DAB2: variants seen among roughly 807,000 people sequenced by gnomAD.
The protein encoded by DAB2 is disabled homolog 2.
Under a neutral mutation model 71.6 loss-of-function variants are expected in DAB2, and 28 were observed. The ratio of observed to expected loss-of-function variants is 0.39; its 90% CI spans 0.29 to 0.54. DAB2 has a LOEUF of 0.54. DAB2 is among the 20% of genes least tolerant of loss of function. The pLI, the probability that DAB2 is intolerant of heterozygous loss-of-function variation, is 0.68. For missense variants in DAB2, 867 were observed against 928.8 expected, an observed-to-expected ratio of 0.93 and a Z score of 0.86; for synonymous variants, 345 against 339.7, an observed-to-expected ratio of 1.02 and a Z score of -0.17.
At chr5:39,382,571 T>G in intron 10 of DAB2, 47 bp downstream of exon 10, 1 of 1,551,146 alleles carries the variant, frequency 6.4e-7, no homozygotes, top group Admixed American at 1.7e-5. Context: ...CACCCTTTGG[T>G]ACCGAACATG....
intron 1 of DAB2, among the ~76,000 whole-genome samples, chr5:39,411,230 G>T (rs182094203): frequency 3.0e-4 from 45 of 152,214 alleles, no homozygotes; most frequent in Non-Finnish European, 5.3e-4. Context: ...CTAAAAAAAG[G>T]TTTCTGGTTA....
chr5:39,396,549 G>A (rs1225843324), intron 1 of DAB2, among the ~76,000 whole-genome samples: 1 of 152,122 alleles, frequency 6.6e-6, no homozygotes, highest in African/African-American at 2.4e-5. Context: ...CTTGTTATGT[G>A]TATACACTGG....
At chr5:39,423,731 CCTGA>C (rs900110407) in intron 1 of DAB2, 6 of 152,268 alleles carry the variant, frequency 3.9e-5, no homozygotes, top group African/African-American at 9.6e-5. Flanking sequence ...CCCTGCTTTG[CCTGA>C]CTAAGGCCAG....
chr5:39,386,241 A>G (rs1755097267), intron 9 of DAB2, among the ~76,000 whole-genome samples: 1 of 152,238 alleles, frequency 6.6e-6, no homozygotes, highest in African/African-American at 2.4e-5. Context: ...GGGATACCAC[A>G]TAGTTTGCAA....
At chr5:39,389,345 A>G (rs913099967) in intron 6 of DAB2, among the ~76,000 whole-genome samples, 4 of 152,100 alleles carry the variant, frequency 2.6e-5, no homozygotes, top group Non-Finnish European at 5.9e-5. Context: ...ATTAATATGA[A>G]TCTCATAGAG....
chr5:39,395,241 T>C (rs1002285622), intron 1 of DAB2, among the ~76,000 whole-genome samples: 3 of 150,772 alleles, frequency 2.0e-5, no homozygotes, highest in Non-Finnish European at 4.4e-5. Flanking sequence ...TTCTATATGC[T>C]GTAGAGAGAG....
chr5:39,381,242 T>C (rs1754973389), intron 11 of DAB2, among the ~76,000 whole-genome samples: 1 of 152,172 alleles, frequency 6.6e-6, no homozygotes, highest in South Asian at 2.1e-4. Flanking sequence ...GAATTTCTTG[T>C]CTCATGCTGC....
At chr5:39,378,742 T>G (rs1754889470) in intron 11 of DAB2, among the ~76,000 whole-genome samples, 1 of 152,206 alleles carries the variant, frequency 6.6e-6, no homozygotes, top group Non-Finnish European at 1.5e-5. Context: ...TGGTAGAAAC[T>G]GAAAATCAGG....
intron 1 of DAB2, among the ~76,000 whole-genome samples, chr5:39,419,383 A>G (rs1213932989): frequency 6.6e-6 from 1 of 152,242 alleles, no homozygotes; most frequent in East Asian, 1.9e-4. Flanking sequence ...ATAAAGATTC[A>G]TAATTGAATC....
intron 1 of DAB2, among the ~76,000 whole-genome samples, chr5:39,406,781 C>T (rs1249087639): frequency 6.6e-6 from 1 of 151,960 alleles, no homozygotes; most frequent in Non-Finnish European, 1.5e-5. Context: ...CCCTCCCATC[C>T]TAAATCCAAG....
At chr5:39,409,761 C>T (rs1755680005) in intron 1 of DAB2, among the ~76,000 whole-genome samples, 1 of 152,126 alleles carries the variant, frequency 6.6e-6, no homozygotes, top group South Asian at 2.1e-4. Flanking sequence ...CCCTTGGTGA[C>T]CCCAACCATT....
chr5:39,398,523 A>G (rs915510709), intron 1 of DAB2, among the ~76,000 whole-genome samples: 2 of 152,240 alleles, frequency 1.3e-5, no homozygotes, highest in African/African-American at 2.4e-5. Context: ...AGTTTCTGTA[A>G]TATAAATTCC....
intron 1 of DAB2, among the ~76,000 whole-genome samples, chr5:39,400,272 G>T (rs1373077425): frequency 3.4e-5 from 5 of 148,970 alleles, no homozygotes; most frequent in Admixed American, 6.7e-5. Context: ...CACTCTTGTT[G>T]CCCAGGCTGG....
At chr5:39,417,531 T>C (rs1294734758) in intron 1 of DAB2, 2 of 152,314 alleles carry the variant, frequency 1.3e-5, no homozygotes, top group East Asian at 3.9e-4. Context: ...TGACTTCCAT[T>C]GTTCCTTTAA....
In DAB2 at chr5:39,376,883, T is replaced by C. The variant is rs200953569; in HGVS notation, c.1904A>G (p.Asp635Gly). 6.8e-6 allele frequency: 11 copies of C among 1,614,136 alleles called. No individual in the cohort carries two copies. Among genetic ancestry groups the C allele is most frequent in the Non-Finnish European group, 9.3e-6 (11 of 1,180,008 alleles). The change falls in exon 12 of 15, where the codon GAT becomes GGT. Residue 635 changes from aspartate (D) to glycine (G), a missense_variant. By Grantham distance (94) the Asp-to-Gly change is moderately conservative. Around this residue, in one of 2 missense-constraint regions of DAB2, gnomAD observed 740 missense variants for 734.3 expected, o/e 1.01. Coordinates refer to ENST00000320816, the MANE Select transcript of DAB2 (RefSeq NM_001343.4). Reference protein sequence around the residue: ...RAGPPKDISSDAFTALDPLGD... With the variant: ...RAGPPKDISSGAFTALDPLGD... The stretch of plus-strand genomic sequence containing the variant: ...AAGTGGGTCTAAGGCAGTGAAGGCA[T>C]CACTGGAGATGTCCTTGGGAGGGCC...
chr5:39,375,939 G>A, intron 13 of DAB2, 58 bp downstream of exon 13: 1 of 1,240,632 alleles, frequency 8.1e-7, no homozygotes, highest in Admixed American at 1.8e-5. Flanking sequence ...TAATTCAGGA[G>A]GCTGGAGCTC....
chr5:39,407,110 C>T (rs73080520), intron 1 of DAB2, among the ~76,000 whole-genome samples: 180 of 152,336 alleles, frequency 1.2e-3, no homozygotes, highest in African/African-American at 4.1e-3. Flanking sequence ...CATATACTGA[C>T]CCAAACTGAC....
At chr5:39,421,080 AGACCAGCGAGGTCAGCCT>A (rs1256813560) in intron 1 of DAB2, among the ~76,000 whole-genome samples, 1 of 152,154 alleles carries the variant, frequency 6.6e-6, no homozygotes, top group Non-Finnish European at 1.5e-5. Flanking sequence ...GACTTAATTG[AGACCAGCGAGGTCAGCCT>A]GACCAAACCA....
intron 6 of DAB2, 39 bp from the exon 7 acceptor site, chr5:39,389,162 A>G: frequency 3.9e-6 from 6 of 1,554,378 alleles, no homozygotes; most frequent in Non-Finnish European, 5.3e-6. Context: ...CTTCATATTC[A>G]TAGTGAAAGG....
Sources: gnomAD v4.1 joint callset for allele counts (sites outside exome capture counted in the v4.1 genomes callset) on GRCh38, gnomAD v4.1.1 for gene constraint, gnomAD v4.1.1 regional missense constraint, MANE v1.5 for transcripts, NCBI Gene and HGNC (gene_info 2026-07-23, HGNC 2026-07-21) for gene names.